Variants in ESR1 observed in about 807,000 individuals in gnomAD.
ESR1 encodes the protein estrogen receptor.
ESR1 carries 12 observed loss-of-function variants against 52.7 expected under a neutral mutation model. The ratio of observed to expected loss-of-function variants is 0.23; its 90% CI spans 0.15 to 0.37. The LOEUF is 0.37. ESR1 is among the 10% of genes least tolerant of loss of function. The probability of loss-of-function intolerance (pLI) is 1.00; values close to 1 mark genes in which losing one functional copy is unlikely to be tolerated. For synonymous variants in ESR1, 305 were observed against 316.8 expected, an observed-to-expected ratio of 0.96 and a Z score of 0.39; for missense variants, 584 against 779.7, an observed-to-expected ratio of 0.75 and a Z score of 2.99.
rs552369654 is a variant in ESR1 at position 151,756,707 on chromosome 6, G to A, written c.-70-51136G>A. Among the ~76,000 whole-genome samples the A allele has an allele frequency of 2.6e-5, 4 of 152,280 alleles. No individual in the cohort carries two copies. In the East Asian group the frequency reaches 7.7e-4, roughly 29 times the overall value. On this transcript the variant is annotated intron_variant, in intron 2 of 2. Coordinates refer to the ESR1 transcript ENST00000404742. Reference sequence around the variant, plus strand: ...TCTAACTGGTGAAAATAAATTAAATGGGCCGGGCGTGATGGCTCACGCCTG... The same window carrying A: ...TCTAACTGGTGAAAATAAATTAAATAGGCCGGGCGTGATGGCTCACGCCTG...
intron 5 of ESR1, among the ~76,000 whole-genome samples, chr6:152,044,431 A>T (rs751113431): frequency 2.0e-5 from 3 of 152,208 alleles, no homozygotes; most frequent in Admixed American, 6.5e-5. Flanking sequence ...CTCACAGGTG[A>T]GATGTATATA....
chr6:151,700,878 G>A (rs1779727040), intron 1 of ESR1, among the ~76,000 whole-genome samples: 1 of 151,696 alleles, frequency 6.6e-6, no homozygotes, highest in African/African-American at 2.4e-5. Context: ...AAAAACCCAG[G>A]GCCTTTTTCC....
intron 5 of ESR1, among the ~76,000 whole-genome samples, chr6:152,029,019 C>G (rs987929648): frequency 7.2e-5 from 11 of 152,170 alleles, no homozygotes; most frequent in Non-Finnish European, 1.3e-4. Flanking sequence ...CTGCTGATAC[C>G]CAGGCAAACA....
chr6:151,880,169 G>GT (rs1388521688), intron 2 of ESR1, among the ~76,000 whole-genome samples: 1 of 137,138 alleles, frequency 7.3e-6, no homozygotes, highest in African/African-American at 2.7e-5. Flanking sequence ...TCCACGGGAG[G>GT]TTTTTTGTTC....
At chr6:152,003,847 A>G (rs2042141017) in intron 4 of ESR1, among the ~76,000 whole-genome samples, 1 of 152,026 alleles carries the variant, frequency 6.6e-6, no homozygotes, top group African/African-American at 2.4e-5. Flanking sequence ...ATATATCGTG[A>G]TCAGAATTAA....
intron 1 of ESR1, among the ~76,000 whole-genome samples, chr6:151,658,704 G>A (rs918354492): frequency 6.8e-6 from 1 of 147,528 alleles, no homozygotes; most frequent in Non-Finnish European, 1.5e-5. Context: ...TCATATCTTA[G>A]CACCTTCTAT....
chr6:152,064,912 T>C (rs1360042671), intron 6 of ESR1, among the ~76,000 whole-genome samples: 1 of 152,202 alleles, frequency 6.6e-6, no homozygotes, highest in African/African-American at 2.4e-5. Context: ...TATCAAATTA[T>C]TAAATGGAAA....
At position 152,073,628 on chromosome 6, in the gene ESR1, C is replaced by T. The variant is rs140550274; in HGVS notation, c.1369+12504C>T. ...GAAAATTATTAGTTTTCTCAAATAT[C>T]TCTGGAGGCGAGTCTGTTGGCAGTC... On this transcript the variant is annotated intron_variant, in intron 6 of 7. Coordinates refer to ENST00000206249, the MANE Select transcript of ESR1 (RefSeq NM_000125.4). Among the ~76,000 whole-genome samples, 902 of 152,334 alleles carry T rather than the reference C, an allele frequency of 5.9e-3. 3 individuals carry two copies. Among genetic ancestry groups the T allele is most frequent in the Non-Finnish European group, 9.4e-3 (638 of 68,032 alleles).
At chr6:151,738,714 G>A (rs1782855934) in intron 2 of ESR1, among the ~76,000 whole-genome samples, 1 of 152,184 alleles carries the variant, frequency 6.6e-6, no homozygotes, top group Non-Finnish European at 1.5e-5. Context: ...GTTGGAAGAT[G>A]TTTGTTTTCT....
chr6:151,758,761 TAA>T (rs67609508), intron 2 of ESR1, among the ~76,000 whole-genome samples: 49 of 124,226 alleles, frequency 3.9e-4, no homozygotes, highest in East Asian at 6.8e-4. Flanking sequence ...TGTCTCAAAT[TAA>T]AAAAAAAAAA....
chr6:151,835,800 A>AT (rs11339911), intron 1 of ESR1, among the ~76,000 whole-genome samples: 105 of 151,170 alleles, frequency 6.9e-4, no homozygotes, highest in African/African-American at 1.6e-3. Context: ...TATAATGATG[A>AT]TTTTTTTTTT....
chr6:151,961,744 G>T (rs1271214603), intron 4 of ESR1, among the ~76,000 whole-genome samples: 1 of 152,114 alleles, frequency 6.6e-6, no homozygotes, highest in Non-Finnish European at 1.5e-5. Context: ...AGAGGTCAAA[G>T]CGGCAAGAGT....
At chr6:151,672,985 C>T (rs560893921) in intron 1 of ESR1, among the ~76,000 whole-genome samples, 153 of 151,436 alleles carry the variant, frequency 1.0e-3, no homozygotes, top group African/African-American at 3.4e-3. Flanking sequence ...CCCGCCACCA[C>T]GCCCAGCTAT....
intron 6 of ESR1, among the ~76,000 whole-genome samples, chr6:152,090,878 C>T (rs1219796921): frequency 6.6e-6 from 1 of 152,174 alleles, no homozygotes; most frequent in Non-Finnish European, 1.5e-5. Flanking sequence ...CTAAATATCC[C>T]CTTATTGGCT....
chr6:151,658,652 A>C (rs975408622), intron 1 of ESR1, among the ~76,000 whole-genome samples: 5 of 152,094 alleles, frequency 3.3e-5, no homozygotes, highest in Non-Finnish European at 7.3e-5. Flanking sequence ...TCTGGGATTA[A>C]TATGTGCTTT....
intron 5 of ESR1, among the ~76,000 whole-genome samples, chr6:152,025,875 A>C (rs2982701): frequency 0.39 from 58,565 of 151,726 alleles, 13,609 homozygotes; most frequent in African/African-American, 0.64. Flanking sequence ...TCAAAGCATC[A>C]GTTTTCGCTG....
At chr6:151,766,688 A>G (rs897276923) in intron 2 of ESR1, among the ~76,000 whole-genome samples, 2 of 152,180 alleles carry the variant, frequency 1.3e-5, no homozygotes, top group South Asian at 2.1e-4. Flanking sequence ...CAGTTTTCTT[A>G]ATATACTCTT....
intron 5 of ESR1, among the ~76,000 whole-genome samples, chr6:152,026,925 G>A (rs988667656): frequency 4.0e-5 from 6 of 151,636 alleles, no homozygotes; most frequent in Non-Finnish European, 7.4e-5. Flanking sequence ...ACATACCTAT[G>A]AGGTAATTGT....
chr6:151,969,774 C>T (rs2038708681), intron 4 of ESR1, among the ~76,000 whole-genome samples: 1 of 152,200 alleles, frequency 6.6e-6, no homozygotes, highest in Admixed American at 6.5e-5. Flanking sequence ...CATTTCAGGA[C>T]ACTGGAGCTT....
Sources: allele counts gnomAD v4.1 joint callset (sites outside exome capture counted in the v4.1 genomes callset), GRCh38; gene constraint gnomAD v4.1.1; transcripts MANE v1.5; gene names NCBI Gene and HGNC (gene_info 2026-07-23, HGNC 2026-07-21).